THEMIS: variants seen among roughly 807,000 people sequenced by gnomAD.
The protein encoded by THEMIS is thymocyte selection associated.
Under a neutral mutation model 52.6 loss-of-function variants are expected in THEMIS, and 37 were observed. The observed-to-expected ratio is 0.70, with a 90% CI of 0.54 to 0.93. The LOEUF is 0.93. THEMIS is among the 40% of genes least tolerant of loss of function. The pLI is 0.00. For synonymous variants in THEMIS, 292 were observed against 272.7 expected (o/e 1.07, Z -0.70); for missense variants, 808 against 763.1 (o/e 1.06, Z -0.69).
chr6:127,738,264 G>A (rs926912437), intron 4 of THEMIS, among the ~76,000 whole-genome samples: 6 of 152,130 alleles, frequency 3.9e-5, no homozygotes, highest in Admixed American at 2.0e-4. Context: ...GTGATCCACA[G>A]AGAATCAGAC....
rs138802548 is a variant in THEMIS, at chr6:127,916,123, A to G, written c.-150+2305T>C. On this transcript the variant is annotated intron_variant, in intron 1 of 6. Transcript: ENST00000368250. ...TTAACCCTATATTTGTTTAATTAAA[A>G]ATATGATTTTATATTACGAGACCTA... Among the ~76,000 whole-genome samples the G allele has an allele frequency of 7.6e-4, 115 of 152,146 alleles. 1 individual carries two copies. In the East Asian group the frequency reaches 0.019, roughly 24 times the overall value.
At chr6:127,748,617 TAAC>T (rs1376115408) in intron 4 of THEMIS, among the ~76,000 whole-genome samples, 2 of 152,022 alleles carry the variant, frequency 1.3e-5, no homozygotes, top group Non-Finnish European at 2.9e-5. Flanking sequence ...AGTTAAATCG[TAAC>T]AAAGGCTCTG....
In THEMIS at chr6:127,852,474, C is replaced by CA. The variant is rs897265827; in HGVS notation, c.250+2555dup. 5.1e-4 allele frequency among the ~76,000 whole-genome samples: 76 copies of CA among 150,374 alleles called. 1 individual carries two copies. Among genetic ancestry groups the CA allele is most frequent in the East Asian group, 4.1e-3 (21 of 5,090 alleles). On this transcript the variant is annotated intron_variant, in intron 2 of 5. Coordinates refer to ENST00000368248, the MANE Select transcript of THEMIS (RefSeq NM_001010923.3). ...ACATACTCTAGATCATATATTAGTC[C>CA]AAAAAAAACAAGTCTCAATACATTT...
At chr6:127,855,466 T>G (rs1779588195) in intron 1 of THEMIS, among the ~76,000 whole-genome samples, 1 of 151,946 alleles carries the variant, frequency 6.6e-6, no homozygotes, top group African/African-American at 2.4e-5. Context: ...CTTACCATGG[T>G]CAAACTACAA....
At chr6:127,800,121 A>G (rs1435306730) in intron 4 of THEMIS, among the ~76,000 whole-genome samples, 2 of 152,300 alleles carry the variant, frequency 1.3e-5, no homozygotes, top group East Asian at 3.9e-4. Flanking sequence ...CATCTGTAAA[A>G]TTGGGATAAT....
intron 1 of THEMIS, among the ~76,000 whole-genome samples, chr6:127,886,432 T>A (rs1161677636): frequency 6.6e-6 from 1 of 152,152 alleles, no homozygotes; most frequent in Non-Finnish European, 1.5e-5. Context: ...AAGAATTAGC[T>A]CTTGACAGTC....
intron 4 of THEMIS, among the ~76,000 whole-genome samples, chr6:127,805,295 G>C (rs1445864010): frequency 1.3e-5 from 2 of 152,038 alleles, no homozygotes; most frequent in Non-Finnish European, 2.9e-5. Context: ...CCTATTAGAA[G>C]TGTATCTTAA....
At chr6:127,871,673 T>C (rs972108594) in intron 1 of THEMIS, among the ~76,000 whole-genome samples, 1 of 152,114 alleles carries the variant, frequency 6.6e-6, no homozygotes, top group South Asian at 2.1e-4. Flanking sequence ...TTTTACCACA[T>C]AATTTGACAA....
intron 1 of THEMIS, among the ~76,000 whole-genome samples, chr6:127,914,712 T>C (rs1198801400): frequency 6.6e-6 from 1 of 152,226 alleles, no homozygotes; most frequent in Non-Finnish European, 1.5e-5. Flanking sequence ...CAAACATTAA[T>C]ATAAGGAATG....
downstream of THEMIS, among the ~76,000 whole-genome samples, chr6:127,705,615 T>C (rs567986708): frequency 6.6e-6 from 1 of 152,292 alleles, no homozygotes; most frequent in Admixed American, 6.5e-5. Flanking sequence ...ACTCCAGGTA[T>C]TAGTTTACTT....
rs150324578 is a variant in THEMIS, at chr6:127,734,596, C to T, written c.1759-14773G>A. The stretch of plus-strand genomic sequence containing the variant: ...GGGTGCATAAAAAATGGAGGCCGAG[C>T]GCTGTGGCTCACGCCTGTAATCCTA... On this transcript the variant is annotated intron_variant, in intron 4 of 5. Coordinates refer to ENST00000368248, the MANE Select transcript of THEMIS (RefSeq NM_001010923.3). Among the ~76,000 whole-genome samples the T allele has an allele frequency of 1.7e-3, 254 of 151,876 alleles. 2 individuals carry two copies. Among genetic ancestry groups the T allele is most frequent in the Non-Finnish European group, 2.2e-3 (150 of 67,942 alleles).
chr6:127,702,125 AG>A, the THEMIS span, among the ~76,000 whole-genome samples: 4 of 152,042 alleles, frequency 2.6e-5, no homozygotes, highest in Non-Finnish European at 5.9e-5. Context: ...TTCATCTATA[AG>A]AAGTTTTTTA....
At chr6:127,705,990 T>A (rs772829476), downstream of THEMIS, among the ~76,000 whole-genome samples, 2 of 152,112 alleles carry the variant, frequency 1.3e-5, no homozygotes, top group Non-Finnish European at 2.9e-5. Context: ...TCCACTTCCA[T>A]ACAGATTTCT....
At chr6:127,713,001 T>C (rs1774034075) in intron 5 of THEMIS, among the ~76,000 whole-genome samples, 1 of 152,020 alleles carries the variant, frequency 6.6e-6, no homozygotes, top group East Asian at 1.9e-4. Flanking sequence ...TTGGGAAACT[T>C]TGAGTGCCAG....
chr6:127,729,899 A>G (rs945961467), intron 4 of THEMIS, among the ~76,000 whole-genome samples: 2 of 152,190 alleles, frequency 1.3e-5, no homozygotes, highest in Non-Finnish European at 2.9e-5. Context: ...TAGGTTTCAA[A>G]AATATCTACC....
chr6:127,744,601 C>A (rs1488475785), intron 4 of THEMIS, among the ~76,000 whole-genome samples: 4 of 151,852 alleles, frequency 2.6e-5, no homozygotes, highest in South Asian at 4.1e-4. Flanking sequence ...CTGCATGATT[C>A]CACTTACATG....
At chr6:127,883,353 T>A (rs1459400962) in intron 1 of THEMIS, among the ~76,000 whole-genome samples, 1 of 151,636 alleles carries the variant, frequency 6.6e-6, no homozygotes, top group Non-Finnish European at 1.5e-5. Context: ...CAAATAATAT[T>A]AATAATCTCA....
At chr6:127,714,764 G>T (rs916043673) in intron 5 of THEMIS, among the ~76,000 whole-genome samples, 3 of 151,812 alleles carry the variant, frequency 2.0e-5, no homozygotes, top group Non-Finnish European at 2.9e-5. Flanking sequence ...TTTCCCAGGG[G>T]TTAATATTTC....
chr6:127,714,926 C>T (rs977824071), intron 5 of THEMIS, among the ~76,000 whole-genome samples: 2 of 151,776 alleles, frequency 1.3e-5, no homozygotes, highest in South Asian at 2.1e-4. Context: ...TGAAGGCTTG[C>T]GAGTAAGATT....
Sources: gnomAD v4.1 joint callset for allele counts (sites outside exome capture counted in the v4.1 genomes callset) on GRCh38, gnomAD v4.1.1 for gene constraint, MANE v1.5 for transcripts, NCBI Gene and HGNC (gene_info 2026-07-23, HGNC 2026-07-21) for gene names.